The following CUL4A variants were observed in gnomAD, a reference collection of about 807,000 sequenced individuals.
CUL4A encodes cullin-4A.
A neutral mutation model predicts 95.5 loss-of-function variants in CUL4A; 16 were observed. The ratio of observed to expected loss-of-function variants is 0.17; its 90% CI spans 0.11 to 0.25. The LOEUF is 0.25. CUL4A is among the 10% of genes least tolerant of loss of function. CUL4A has a pLI of 1.00. For synonymous variants in CUL4A, 380 were observed against 353.1 expected (o/e 1.08, Z -0.85); for missense variants, 610 against 937.0 (o/e 0.65, Z 4.56).
chr13:113,242,332 A>G (rs1258258025), intron 10 of CUL4A, among the ~76,000 whole-genome samples: 1 of 152,342 alleles, frequency 6.6e-6, no homozygotes, highest in East Asian at 1.9e-4. Context: ...GGAGAAGGAA[A>G]ACTAGCCAAG....
upstream of CUL4A, chr13:113,208,624 A>G (rs142022899): frequency 1.1e-5 from 17 of 1,607,148 alleles, no homozygotes; most frequent in African/African-American, 1.6e-4. Flanking sequence ...GTTAATGGTA[A>G]TGTGCGCCAT....
At chr13:113,218,601 T>C (rs2040780447) in intron 2 of CUL4A, among the ~76,000 whole-genome samples, 1 of 152,196 alleles carries the variant, frequency 6.6e-6, no homozygotes, top group Non-Finnish European at 1.5e-5. Context: ...GAAACAGGCC[T>C]GTGAGGATCA....
At chr13:113,233,584 G>A (rs1283182778) in intron 6 of CUL4A, among the ~76,000 whole-genome samples, 1 of 152,198 alleles carries the variant, frequency 6.6e-6, no homozygotes, top group Non-Finnish European at 1.5e-5. Context: ...TACATAAAAT[G>A]CACGTTTTTC....
chr13:113,215,434 CGCTGTGTGACCATGGAGGTT>C (rs2040623390), intron 2 of CUL4A, among the ~76,000 whole-genome samples: 2 of 147,826 alleles, frequency 1.4e-5, no homozygotes, highest in Admixed American at 1.3e-4. Context: ...CTGTGGAGGT[CGCTGTGTGACCATGGAGGTT>C]ACTGTGTGCC....
intron 15 of CUL4A, among the ~76,000 whole-genome samples, chr13:113,250,208 T>G (rs2041958732): frequency 6.6e-6 from 1 of 152,082 alleles, no homozygotes; most frequent in Non-Finnish European, 1.5e-5. Flanking sequence ...ACCTGTAATC[T>G]CAGAACTTTG....
At chr13:113,228,088 C>G in intron 4 of CUL4A, 43 bp downstream of exon 4, 1 of 1,387,664 alleles carries the variant, frequency 7.2e-7, no homozygotes, top group Non-Finnish European at 1.0e-6. Context: ...CCTCATCCAT[C>G]TTCCCTCACC....
upstream of CUL4A, chr13:113,208,954 C>G (rs965927303): frequency 7.3e-6 from 9 of 1,240,776 alleles, no homozygotes; most frequent in Non-Finnish European, 6.1e-6. Context: ...ACTGCGCTGA[C>G]CCTTCGTCTG....
At chr13:113,220,628 C>T (rs1036325945) in intron 3 of CUL4A, among the ~76,000 whole-genome samples, 30 of 152,286 alleles carry the variant, frequency 2.0e-4, no homozygotes, top group African/African-American at 6.7e-4. Flanking sequence ...AGTCAGTAGG[C>T]GGTGATTGTT....
intron 2 of CUL4A, among the ~76,000 whole-genome samples, chr13:113,216,719 G>C (rs1385845706): frequency 1.3e-5 from 2 of 152,168 alleles, no homozygotes; most frequent in Non-Finnish European, 2.9e-5. Flanking sequence ...AATCCATTTG[G>C]GGGAGGGGCA....
intron 3 of CUL4A, among the ~76,000 whole-genome samples, chr13:113,224,673 C>T (rs2041035841): frequency 6.6e-6 from 1 of 152,260 alleles, no homozygotes; most frequent in Admixed American, 6.5e-5. Context: ...GACCAGATAT[C>T]GTGTACGGAG....
intron 2 of CUL4A, among the ~76,000 whole-genome samples, chr13:113,211,226 C>A (rs761679730): frequency 2.0e-5 from 3 of 152,216 alleles, no homozygotes; most frequent in Admixed American, 2.0e-4. Context: ...TCATGTATTT[C>A]ATAGTCTTTT....
At chr13:113,253,044 T>G (rs2042034079) in intron 15 of CUL4A, 38 bp from the exon 16 acceptor site, 1 of 992,672 alleles carries the variant, frequency 1.0e-6, no homozygotes, top group African/African-American at 1.6e-5. Context: ...AGATGGATGG[T>G]GTGTGGCATA....
intron 3 of CUL4A, among the ~76,000 whole-genome samples, chr13:113,227,100 C>A (rs1303456234): frequency 6.6e-6 from 1 of 152,074 alleles, no homozygotes; most frequent in African/African-American, 2.4e-5. Flanking sequence ...CAGAGGCAGG[C>A]GGGGCCGTGG....
At chr13:113,242,020 T>G (rs1382332541) in intron 10 of CUL4A, among the ~76,000 whole-genome samples, 2 of 151,046 alleles carry the variant, frequency 1.3e-5, no homozygotes, top group Non-Finnish European at 2.9e-5. Context: ...AGTTTTAAAT[T>G]AAAAATACAA....
Position 113,233,271 on chromosome 13 carries a change from G to A in CUL4A, c.607G>A (p.Glu203Lys), listed in dbSNP as rs748162122. The A allele has an allele frequency of 3.1e-6, 5 of 1,614,012 alleles. No homozygotes were observed. Among genetic ancestry groups the A allele is most frequent in the South Asian group, 1.1e-5 (1 of 91,082 alleles). Residue 203 changes from glutamate to lysine, a missense_variant, in exon 6 of 20, where the codon GAG (glutamate) becomes AAG (lysine). Around this residue, in one of 10 missense-constraint regions of CUL4A, gnomAD observed 97 missense variants for 100.3 expected, o/e 0.97. Coordinates refer to ENST00000375440, the MANE Select transcript of CUL4A (RefSeq NM_001008895.4). Reference protein sequence around the residue: ...IDGILLLIERERSGEAVDRSL... With the variant: ...IDGILLLIERKRSGEAVDRSL... ...TGGAATCCTACTGCTGATCGAGCGC[G>A]AGAGGAGCGGCGAGGCCGTGGACCG...
intron 16 of CUL4A, among the ~76,000 whole-genome samples, chr13:113,254,394 C>G (rs911529215): frequency 2.6e-5 from 4 of 152,068 alleles, no homozygotes; most frequent in Admixed American, 2.0e-4. Context: ...GTCAGGAGAT[C>G]GAGACCATCC....
Position 113,260,775 on chromosome 13 carries a change from G to A in CUL4A, c.2184+16G>A. 6.6e-7 allele frequency: 1 copy of A among 1,520,200 alleles called. No homozygotes were observed. The highest frequency in any genetic ancestry group is 9.0e-7 in the Non-Finnish European group (1 of 1,114,916). 94.2% of individuals were successfully genotyped at this position (1,520,200 alleles called of 1,614,324 possible). On this transcript the variant is annotated intron_variant, in intron 19 of 19. Transcript: ENST00000375440. Reference sequence around the variant, plus strand: ...TCCAGTAAAGGTAAATGTAACATTAGCATAATTAAATTTGTAGTATTTGCT... The same window carrying A: ...TCCAGTAAAGGTAAATGTAACATTAACATAATTAAATTTGTAGTATTTGCT...
At chr13:113,249,849 G>C (rs1342462748) in intron 15 of CUL4A, among the ~76,000 whole-genome samples, 13 of 152,190 alleles carry the variant, frequency 8.5e-5, no homozygotes, top group Admixed American at 8.5e-4. Flanking sequence ...GACTGTTGAT[G>C]TTGAGCATCT....
chr13:113,244,337 A>G (rs1487153541), intron 11 of CUL4A, 73 bp from the exon 12 acceptor site: 1 of 1,063,178 alleles, frequency 9.4e-7, no homozygotes, highest in East Asian at 2.6e-5. Flanking sequence ...GTTCCTGTAC[A>G]ATGTTGCTAA....
Sources: allele counts gnomAD v4.1 joint callset (sites outside exome capture counted in the v4.1 genomes callset), GRCh38; gene constraint gnomAD v4.1.1; regional missense constraint gnomAD v4.1.1; transcripts MANE v1.5; gene names NCBI Gene and HGNC (gene_info 2026-07-23, HGNC 2026-07-21).